Variants in PRKCE observed in about 807,000 individuals in gnomAD.
PRKCE encodes the protein protein kinase C epsilon, also known as protein kinase C epsilon type.
PRKCE carries 16 observed loss-of-function variants against 85.4 expected under a neutral mutation model. That is an observed-to-expected ratio of 0.19 (90% confidence interval 0.13 to 0.28). The LOEUF is 0.28. Ranked by LOEUF, PRKCE falls within the 10% of genes least tolerant of loss-of-function variation. The probability of loss-of-function intolerance (pLI) is 1.00; values close to 1 mark genes in which losing one functional copy is unlikely to be tolerated. For missense variants in PRKCE, 573 were observed against 975.2 expected, an observed-to-expected ratio of 0.59 and a Z score of 5.49; for synonymous variants, 388 against 371.5, an observed-to-expected ratio of 1.04 and a Z score of -0.51.
rs1702465864 is a variant in PRKCE at position 45,976,511 on chromosome 2, T to C, written c.495T>C (p.His165=). The stretch of plus-strand genomic sequence containing the variant: ...AGGGGGCCGTCAGGCGCAGGGTCCA[T>C]CAGGTCAACGGCCACAAGTTCATGG... The part of the protein sequence containing the change: ...KRQGAVRRRV[H]QVNGHKFMAT... The change falls in exon 3 of 15, where the codon CAT becomes CAC. Residue 165 remains histidine, a synonymous_variant. Coordinates refer to ENST00000306156, the MANE Select transcript of PRKCE (RefSeq NM_005400.3). The C allele has an allele frequency of 6.3e-7, 1 of 1,599,744 alleles. No homozygotes were observed. Among genetic ancestry groups the C allele is most frequent in the Non-Finnish European group, 8.5e-7 (1 of 1,179,952 alleles).
intron 11 of PRKCE, among the ~76,000 whole-genome samples, chr2:46,109,450 AT>A (rs900987887): frequency 6.6e-6 from 1 of 152,028 alleles, no homozygotes; most frequent in Non-Finnish European, 1.5e-5. Context: ...TAAGCATGTA[AT>A]TTTTTTGTGT....
intron 1 of PRKCE, among the ~76,000 whole-genome samples, chr2:45,772,532 A>T (rs189931281): frequency 6.6e-6 from 1 of 152,116 alleles, no homozygotes; most frequent in African/African-American, 2.4e-5. Context: ...TCACTATTCA[A>T]TTGACCATCT....
At chr2:45,904,687 A>G (rs1696839480) in intron 2 of PRKCE, among the ~76,000 whole-genome samples, 1 of 152,216 alleles carries the variant, frequency 6.6e-6, no homozygotes, top group Non-Finnish European at 1.5e-5. Context: ...AAGAAAAAGA[A>G]TCAAACTAAT....
At chr2:45,663,354 G>A (rs886561957) in intron 1 of PRKCE, among the ~76,000 whole-genome samples, 13 of 152,182 alleles carry the variant, frequency 8.5e-5, no homozygotes, top group African/African-American at 2.9e-4. Context: ...TGAATTTGAA[G>A]AACTGTGGGA....
intron 2 of PRKCE, among the ~76,000 whole-genome samples, chr2:45,862,473 T>C (rs897155188): frequency 1.3e-5 from 2 of 152,120 alleles, no homozygotes; most frequent in East Asian, 3.9e-4. Context: ...TGGTGTCAGC[T>C]CCTCTAACCA....
intron 9 of PRKCE, among the ~76,000 whole-genome samples, 190 bp from the exon 10 acceptor site, chr2:46,010,154 C>T (rs4953300): frequency 0.26 from 39,933 of 152,154 alleles, 5,419 homozygotes; most frequent in South Asian, 0.3. Context: ...TCTGTAACTC[C>T]TGGGCTCAAA....
chr2:45,825,022 T>G (rs1027735064), intron 1 of PRKCE, among the ~76,000 whole-genome samples: 1 of 152,168 alleles, frequency 6.6e-6, no homozygotes, highest in African/African-American at 2.4e-5. Flanking sequence ...GTGGGGTACA[T>G]GGATTGAGAA....
chr2:45,777,709 C>T (rs772524890), intron 1 of PRKCE, among the ~76,000 whole-genome samples: 4 of 152,080 alleles, frequency 2.6e-5, no homozygotes, highest in African/African-American at 4.8e-5. Flanking sequence ...TCATACGGTT[C>T]GGGAAAGAGT....
chr2:45,873,241 A>G (rs1694228566), intron 2 of PRKCE, among the ~76,000 whole-genome samples: 2 of 152,346 alleles, frequency 1.3e-5, no homozygotes, highest in Admixed American at 1.3e-4. Flanking sequence ...GTCAGTAGAA[A>G]GGTAAAGCAG....
intron 2 of PRKCE, among the ~76,000 whole-genome samples, chr2:45,851,205 G>A (rs74568497): frequency 1.3e-5 from 2 of 152,190 alleles, no homozygotes; most frequent in South Asian, 2.1e-4. Context: ...ATAGTGCCAC[G>A]GCCCACTGAA....
At chr2:45,856,433 G>A (rs1231573745) in intron 2 of PRKCE, among the ~76,000 whole-genome samples, 3 of 152,116 alleles carry the variant, frequency 2.0e-5, no homozygotes, top group East Asian at 3.9e-4. Context: ...TTTTCACCAT[G>A]TTGGTCAGGC....
intron 1 of PRKCE, among the ~76,000 whole-genome samples, chr2:45,802,378 T>C (rs1026339350): frequency 6.6e-6 from 1 of 152,248 alleles, no homozygotes; most frequent in Non-Finnish European, 1.5e-5. Context: ...TAGGCTATTA[T>C]ATTTTATATT....
chr2:45,776,724 T>G (rs1183487139), intron 1 of PRKCE, among the ~76,000 whole-genome samples: 2 of 152,156 alleles, frequency 1.3e-5, no homozygotes. Context: ...ACACTCTGAT[T>G]CCGTTTAAAG....
chr2:46,024,395 A>G (rs924915975), intron 10 of PRKCE, among the ~76,000 whole-genome samples: 1 of 151,302 alleles, frequency 6.6e-6, no homozygotes, highest in African/African-American at 2.4e-5. Flanking sequence ...ATGACGTTCC[A>G]GGGAGAATGC....
intron 1 of PRKCE, among the ~76,000 whole-genome samples, chr2:45,727,040 C>T (rs1000231262): frequency 2.0e-5 from 3 of 152,146 alleles, no homozygotes; most frequent in Admixed American, 1.3e-4. Flanking sequence ...TATTAATAGA[C>T]CTGCCATTTG....
At chr2:46,179,887 G>A in intron 14 of PRKCE, among the ~76,000 whole-genome samples, 1 of 152,060 alleles carries the variant, frequency 6.6e-6, no homozygotes, top group South Asian at 2.1e-4. Context: ...AACACCCCCT[G>A]ACAGCACAGC....
intron 2 of PRKCE, among the ~76,000 whole-genome samples, chr2:45,918,753 C>T (rs1177100475): frequency 1.3e-5 from 2 of 151,832 alleles, no homozygotes; most frequent in Non-Finnish European, 2.9e-5. Flanking sequence ...TGAGGCACCG[C>T]AGGGCTGAGG....
In PRKCE at chr2:46,100,030, G is replaced by A. The variant is rs564066926; in HGVS notation, c.1592+13668G>A. Among the ~76,000 whole-genome samples the A allele has an allele frequency of 3.9e-5, 6 of 152,192 alleles. No homozygotes were observed. The South Asian group carries it at 1.2e-3, about 32-fold the overall frequency. On this transcript the variant is annotated intron_variant, in intron 11 of 14. Coordinates refer to ENST00000306156, the MANE Select transcript of PRKCE (RefSeq NM_005400.3). ...TTGGGCAAATGACTTCTCCTTGCTGGGTCTCAGTTTTCCTACCTACAAAAT... is the reference window on the plus strand; with the variant it reads ...TTGGGCAAATGACTTCTCCTTGCTGAGTCTCAGTTTTCCTACCTACAAAAT...
Position 45,832,460 on chromosome 2 carries a change from A to C in PRKCE, c.349-10540A>C, listed in dbSNP as rs570971718. Among the ~76,000 whole-genome samples, 256 of 151,746 alleles carry C rather than the reference A, an allele frequency of 1.7e-3. 3 individuals are homozygous for C. The highest frequency in any genetic ancestry group is 5.8e-3 in the African/African-American group (240 of 41,352). On this transcript the variant is annotated intron_variant, in intron 1 of 14. Transcript: ENST00000306156. The stretch of plus-strand genomic sequence containing the variant: ...CCCTAGTAGCTGGGACTACAGGTGC[A>C]CTCCACCATGCCCAGCTAATTTTTG...
Sources: allele counts gnomAD v4.1 joint callset (sites outside exome capture counted in the v4.1 genomes callset), GRCh38; gene constraint gnomAD v4.1.1; transcripts MANE v1.5; gene names NCBI Gene and HGNC (gene_info 2026-07-23, HGNC 2026-07-21).